Variants in CCDC25 observed in about 807,000 individuals in gnomAD.
CCDC25 encodes coiled-coil domain containing 25.
CCDC25 carries 16 observed loss-of-function variants against 35.3 expected under a neutral mutation model. The observed-to-expected ratio is 0.45, with a 90% CI of 0.31 to 0.69. The LOEUF is 0.69. Ranked by LOEUF, CCDC25 falls within the 30% of genes least tolerant of loss-of-function variation. The pLI is 0.06. For synonymous variants in CCDC25, 79 were observed against 80.3 expected (o/e 0.98, Z 0.09); for missense variants, 179 against 250.7 (o/e 0.71, Z 1.93).
chr8:27,745,233 C>A (rs1803565663), intron 7 of CCDC25, among the ~76,000 whole-genome samples: 1 of 152,124 alleles, frequency 6.6e-6, no homozygotes, highest in Non-Finnish European at 1.5e-5. Flanking sequence ...TGGGCTCAAG[C>A]AATCCTTCTG....
At chr8:27,747,935 A>G (rs1469762166) in intron 7 of CCDC25, 142 bp downstream of exon 7, 4 of 779,438 alleles carry the variant, frequency 5.1e-6, no homozygotes, top group Non-Finnish European at 8.2e-6. Flanking sequence ...TTTTTTAAAA[A>G]ACTGATTTAA....
At chr8:27,762,484 GA>G in intron 2 of CCDC25, 26 bp from the exon 3 acceptor site, 1 of 1,607,738 alleles carries the variant, frequency 6.2e-7, no homozygotes. Flanking sequence ...AGAAACGAAA[GA>G]AACAAAAACT....
chr8:27,762,579 G>T, intron 2 of CCDC25, 121 bp from the exon 3 acceptor site: 2 of 717,570 alleles, frequency 2.8e-6, no homozygotes, highest in Non-Finnish European at 4.7e-6. Context: ...CAATGAAGAA[G>T]AGTAATTCGG....
intron 1 of CCDC25, among the ~76,000 whole-genome samples, chr8:27,766,907 A>T (rs1196816926): frequency 6.6e-6 from 1 of 151,910 alleles, no homozygotes; most frequent in Admixed American, 6.6e-5. Flanking sequence ...AAAATAAATG[A>T]TTATAATGGT....
chr8:27,762,316 C>T, intron 3 of CCDC25, 103 bp downstream of exon 3: 1 of 964,630 alleles, frequency 1.0e-6, no homozygotes, highest in Non-Finnish European at 1.6e-6. Flanking sequence ...ACCCTGAAGA[C>T]CCATAAACCA....
At chr8:27,759,779 CAAAAAA>C (rs77051762) in intron 3 of CCDC25, among the ~76,000 whole-genome samples, 934 of 91,230 alleles carry the variant, frequency 0.01, 40 homozygotes, top group African/African-American at 0.039. Flanking sequence ...GACTCTGTCT[CAAAAAA>C]AAAAAAAAAA....
chr8:27,766,564 C>T (rs189317064), intron 1 of CCDC25, among the ~76,000 whole-genome samples: 3 of 152,114 alleles, frequency 2.0e-5, no homozygotes, highest in Admixed American at 1.3e-4. Context: ...TTGATCAGGC[C>T]TTAGTGTAGC....
intron 1 of CCDC25, among the ~76,000 whole-genome samples, chr8:27,766,866 T>A (rs1450186149): frequency 6.6e-6 from 1 of 152,156 alleles, no homozygotes; most frequent in Non-Finnish European, 1.5e-5. Context: ...CCGAACAGTA[T>A]TTTTGTGTAT....
intron 1 of CCDC25, among the ~76,000 whole-genome samples, chr8:27,766,032 G>A (rs17478366): frequency 0.26 from 39,907 of 152,202 alleles, 6,235 homozygotes; most frequent in Middle Eastern, 0.36. Flanking sequence ...CCAAGGTGGT[G>A]TTTTATTGCA....
chr8:27,747,504 T>C (rs1343001948), intron 7 of CCDC25, among the ~76,000 whole-genome samples: 1 of 152,222 alleles, frequency 6.6e-6, no homozygotes. Flanking sequence ...TGGCAATTTG[T>C]TTCAATGGCA....
intron 5 of CCDC25, among the ~76,000 whole-genome samples, chr8:27,751,525 T>A (rs1365243171): frequency 6.6e-6 from 1 of 152,176 alleles, no homozygotes; most frequent in African/African-American, 2.4e-5. Context: ...GCTGCTCTTG[T>A]CCTGTAATTG....
intron 7 of CCDC25, among the ~76,000 whole-genome samples, chr8:27,742,853 T>A (rs1421440975): frequency 6.6e-6 from 1 of 151,992 alleles, no homozygotes; most frequent in Non-Finnish European, 1.5e-5. Flanking sequence ...GGCAACAGAG[T>A]GAGACTCAGT....
intron 1 of CCDC25, chr8:27,772,012 A>T (rs1278589343): frequency 6.4e-6 from 1 of 155,484 alleles, no homozygotes; most frequent in Non-Finnish European, 1.4e-5. Context: ...TGGACATCCC[A>T]GGGTCTTTTT....
At chr8:27,749,624 GAAGTAAATACAGCGC>G (rs1378551996) in intron 5 of CCDC25, among the ~76,000 whole-genome samples, 3 of 151,790 alleles carry the variant, frequency 2.0e-5, no homozygotes, top group South Asian at 2.1e-4. Context: ...AGACTAAAGA[GAAGTAAATACAGCGC>G]AAGTAAATAC....
intron 3 of CCDC25, among the ~76,000 whole-genome samples, chr8:27,758,716 C>A (rs1300246384): frequency 2.0e-5 from 3 of 152,218 alleles, no homozygotes; most frequent in African/African-American, 2.4e-5. Context: ...TCTCTATTTA[C>A]AACATCTTCT....
intron 6 of CCDC25, 64 bp downstream of exon 6, chr8:27,748,431 G>C: frequency 7.2e-7 from 1 of 1,382,252 alleles, no homozygotes; most frequent in South Asian, 1.2e-5. Context: ...GTGTCAGACA[G>C]AAAAGATAGG....
intron 3 of CCDC25, among the ~76,000 whole-genome samples, chr8:27,760,766 A>G (rs1273277008): frequency 6.6e-6 from 1 of 152,228 alleles, no homozygotes; most frequent in Non-Finnish European, 1.5e-5. Flanking sequence ...ACTTGATGAC[A>G]TATTTGGATT....
chr8:27,741,457 G>A (rs1448457650), intron 7 of CCDC25, among the ~76,000 whole-genome samples: 1 of 152,228 alleles, frequency 6.6e-6, no homozygotes, highest in East Asian at 1.9e-4. Context: ...AACGCGGGCA[G>A]ATCACAAAGT....
intron 4 of CCDC25, among the ~76,000 whole-genome samples, chr8:27,754,137 T>A: frequency 6.6e-6 from 1 of 151,864 alleles, no homozygotes; most frequent in South Asian, 2.1e-4. Flanking sequence ...AAGAAAATAA[T>A]GAAAAACAAA....
Sources: allele counts gnomAD v4.1 joint callset (sites outside exome capture counted in the v4.1 genomes callset), GRCh38; gene constraint gnomAD v4.1.1; transcripts MANE v1.5; gene names NCBI Gene and HGNC (gene_info 2026-07-23, HGNC 2026-07-21).